Variants in SORCS2 observed in about 807,000 individuals in gnomAD.
SORCS2 encodes sortilin related VPS10 domain containing receptor 2.
Under a neutral mutation model 141.6 loss-of-function variants are expected in SORCS2, and 100 were observed. The ratio of observed to expected loss-of-function variants is 0.71; its 90% CI spans 0.60 to 0.83. The LOEUF is 0.83. SORCS2 is among the 40% of genes least tolerant of loss of function. The pLI is 0.00. For missense variants in SORCS2, 1,646 were observed against 1,560.2 expected (o/e 1.05, Z -0.93); for synonymous variants, 789 against 676.9 (o/e 1.17, Z -2.57).
chr4:7,584,044 C>T (rs1030836494), intron 3 of SORCS2, among the ~76,000 whole-genome samples: 1 of 152,230 alleles, frequency 6.6e-6, no homozygotes, highest in African/African-American at 2.4e-5. Context: ...TGAGATGATG[C>T]ATGTGACTGT....
chr4:7,471,183 C>T (rs910261155), intron 2 of SORCS2, among the ~76,000 whole-genome samples: 16 of 152,208 alleles, frequency 1.1e-4, no homozygotes, highest in Non-Finnish European at 1.6e-4. Flanking sequence ...CGCCCGCTAT[C>T]GGGGCCAGCA....
intron 2 of SORCS2, 36 bp downstream of exon 2, chr4:7,396,391 A>C (rs1724217845): frequency 1.2e-6 from 2 of 1,606,578 alleles, no homozygotes; most frequent in East Asian, 2.2e-5. Flanking sequence ...TCTCTTATGC[A>C]CCTGCGTGCC....
chr4:7,211,962 T>C (rs1442541907), intron 1 of SORCS2, among the ~76,000 whole-genome samples: 2 of 152,238 alleles, frequency 1.3e-5, no homozygotes, highest in African/African-American at 4.8e-5. Flanking sequence ...TGTCTGTTTC[T>C]GCATAATTCT....
intron 1 of SORCS2, among the ~76,000 whole-genome samples, chr4:7,225,737 C>G (rs1469961349): frequency 1.3e-5 from 2 of 152,184 alleles, no homozygotes; most frequent in Non-Finnish European, 2.9e-5. Flanking sequence ...AGACATCTCT[C>G]TCTCTCCTCT....
rs1405573348 is a variant in SORCS2 at position 7,522,750 on chromosome 4, C to T, written c.549-8780C>T. Among the ~76,000 whole-genome samples the T allele has an allele frequency of 8.9e-5, 2 of 22,460 alleles. 1 individual carries two copies. Among genetic ancestry groups the T allele is most frequent in the Non-Finnish European group, 2.2e-4 (2 of 8,954 alleles). 14.7% of individuals were successfully genotyped at this position (22,460 alleles called of 152,430 possible). A position where few individuals can be genotyped will look rare whatever the true frequency, so the allele number is the denominator to read the frequency against. On this transcript the variant is annotated intron_variant, in intron 2 of 26. Transcript: ENST00000507866. ...TCCCTCCTTCCTTCCTTTCTTTCCT[C>T]TCCCTCCTTTTCCTCTTCCTTCCCT...
chr4:7,498,085 C>A (rs1731740028), intron 2 of SORCS2, among the ~76,000 whole-genome samples: 1 of 152,190 alleles, frequency 6.6e-6, no homozygotes, highest in Admixed American at 6.5e-5. Context: ...CATCCACGCA[C>A]CCACATTTCA....
chr4:7,211,996 G>T (rs1728086383), intron 1 of SORCS2, among the ~76,000 whole-genome samples: 2 of 152,250 alleles, frequency 1.3e-5, no homozygotes, highest in African/African-American at 4.8e-5. Flanking sequence ...CCAGTCATCT[G>T]TGTGGCTAAA....
chr4:7,697,291 G>A lies in SORCS2; in HGVS notation c.1668+17G>A. On this transcript the variant is annotated intron_variant, in intron 12 of 26. Transcript: ENST00000507866. ...TGGCGGCAGGTAAGCTGGCTGGGAG[G>A]TGCCTGGTACCCCCCACCCCATCCA... 2 of 1,571,648 alleles carry A rather than the reference G, an allele frequency of 1.3e-6. No homozygotes were observed. Among genetic ancestry groups the A allele is most frequent in the Non-Finnish European group, 8.6e-7 (1 of 1,158,560 alleles).
At chr4:7,471,026 C>A (rs1183414103) in intron 2 of SORCS2, among the ~76,000 whole-genome samples, 1 of 152,028 alleles carries the variant, frequency 6.6e-6, no homozygotes, top group African/African-American at 2.4e-5. Context: ...GAGCTGAGAC[C>A]CAAATGAGGG....
At chr4:7,305,361 GTTTT>G (rs5855954) in intron 1 of SORCS2, among the ~76,000 whole-genome samples, 2 of 137,770 alleles carry the variant, frequency 1.5e-5, no homozygotes, top group Non-Finnish European at 1.6e-5. Flanking sequence ...TTCTACTTTA[GTTTT>G]TTTTTTTTTT....
At chr4:7,479,087 A>G (rs1347537868) in intron 2 of SORCS2, among the ~76,000 whole-genome samples, 2 of 152,066 alleles carry the variant, frequency 1.3e-5, no homozygotes, top group African/African-American at 4.8e-5. Context: ...ATTACCAGGA[A>G]AGGTTACAGG....
At chr4:7,422,716 C>T (rs1256945145) in intron 2 of SORCS2, among the ~76,000 whole-genome samples, 1 of 152,184 alleles carries the variant, frequency 6.6e-6, no homozygotes, top group Non-Finnish European at 1.5e-5. Context: ...CCTCCTCTCC[C>T]ATCCTGTGGC....
chr4:7,237,849 G>A lies in SORCS2; in HGVS notation c.480+44723G>A, dbSNP rs1430826974. 3.9e-5 allele frequency among the ~76,000 whole-genome samples: 6 copies of A among 152,028 alleles called. No individual in the cohort carries two copies. In the South Asian group the frequency reaches 8.3e-4, roughly 21 times the overall value. On this transcript the variant is annotated intron_variant, in intron 1 of 26. Transcript: ENST00000507866. ...CTGCTTGACATACTCTATTGTGGAT[G>A]TTTTTTAGAGTGTGATTTCTCTAGG...
At chr4:7,361,904 G>C (rs1721606179) in intron 1 of SORCS2, among the ~76,000 whole-genome samples, 1 of 152,028 alleles carries the variant, frequency 6.6e-6, no homozygotes, top group African/African-American at 2.4e-5. Context: ...AAGCGGTGGG[G>C]GGGAGGACGC....
intron 11 of SORCS2, among the ~76,000 whole-genome samples, chr4:7,692,295 C>T (rs1237766992): frequency 1.3e-5 from 2 of 152,122 alleles, no homozygotes; most frequent in Non-Finnish European, 2.9e-5. Flanking sequence ...TCCACAGGGT[C>T]GCTCCCCTGC....
chr4:7,429,530 A>G (rs1343241096), intron 2 of SORCS2, among the ~76,000 whole-genome samples: 1 of 152,228 alleles, frequency 6.6e-6, no homozygotes, highest in Non-Finnish European at 1.5e-5. Flanking sequence ...AACAATGAAA[A>G]TGCATTTTCA....
At chr4:7,538,122 T>C (rs907073903) in intron 3 of SORCS2, among the ~76,000 whole-genome samples, 1 of 152,228 alleles carries the variant, frequency 6.6e-6, no homozygotes, top group Admixed American at 6.5e-5. Context: ...CTCTCTGTTA[T>C]TGGATAATGG....
At chr4:7,665,153 G>T (rs1722427833) in intron 7 of SORCS2, among the ~76,000 whole-genome samples, 1 of 152,202 alleles carries the variant, frequency 6.6e-6, no homozygotes, top group African/African-American at 2.4e-5. Flanking sequence ...AGCCCCTTGA[G>T]AGCAGCTGCT....
intron 2 of SORCS2, among the ~76,000 whole-genome samples, chr4:7,438,840 T>A (rs1033711370): frequency 3.9e-5 from 6 of 152,154 alleles, no homozygotes; most frequent in Non-Finnish European, 8.8e-5. Flanking sequence ...CACCTACCCA[T>A]CTGTCCCCAC....
Sources: gnomAD v4.1 joint callset for allele counts (sites outside exome capture counted in the v4.1 genomes callset) on GRCh38, gnomAD v4.1.1 for gene constraint, MANE v1.5 for transcripts, NCBI Gene and HGNC (gene_info 2026-07-23, HGNC 2026-07-21) for gene names.